Variants in ERBB4 observed in about 807,000 individuals in gnomAD.
ERBB4 encodes the protein receptor tyrosine-protein kinase erbB-4.
ERBB4 carries 42 observed loss-of-function variants against 158.0 expected under a neutral mutation model. The ratio of observed to expected loss-of-function variants is 0.27; its 90% CI spans 0.21 to 0.34. The LOEUF is 0.34. Among genes scored for constraint, ERBB4 ranks in the 10% least tolerant of loss-of-function variants. ERBB4 has a pLI of 1.00. For missense variants in ERBB4, 1,333 were observed against 1,624.1 expected, an observed-to-expected ratio of 0.82 and a Z score of 3.08; for synonymous variants, 583 against 558.7, an observed-to-expected ratio of 1.04 and a Z score of -0.61.
intron 3 of ERBB4, among the ~76,000 whole-genome samples, chr2:211,817,771 C>A (rs1040676356): frequency 6.6e-6 from 1 of 152,162 alleles, no homozygotes; most frequent in African/African-American, 2.4e-5. Context: ...GAGCCCTTAT[C>A]TTTCCCATTT....
intron 7 of ERBB4, among the ~76,000 whole-genome samples, chr2:211,715,867 T>C (rs919869346): frequency 2.0e-5 from 3 of 152,180 alleles, no homozygotes; most frequent in African/African-American, 4.8e-5. Context: ...TTTATAGCAG[T>C]GTAAGAACCA....
rs1461667959 is a variant in ERBB4, at chr2:211,619,216, A to G, written c.2262T>C (p.Asn754=). 1.2e-6 allele frequency: 2 copies of G among 1,612,500 alleles called. No individual in the cohort carries two copies. The highest frequency in any genetic ancestry group is 1.7e-5 in the Admixed American group (1 of 59,878). ...CATTTGCCTTGGGACCAGTTGTCTC[A>G]TTAAGAATCTTAATAGCCACAGGAA... The part of the protein sequence containing the change: ...VKIPVAIKIL[N]ETTGPKANVE... The change falls in exon 19 of 28, where the codon AAT becomes AAC. Residue 754 remains asparagine (N), a synonymous_variant. Coordinates refer to ENST00000342788, the MANE Select transcript of ERBB4 (RefSeq NM_005235.3).
intron 20 of ERBB4, among the ~76,000 whole-genome samples, chr2:211,507,402 A>C (rs1216395901): frequency 6.6e-6 from 1 of 152,120 alleles, no homozygotes; most frequent in Non-Finnish European, 1.5e-5. Context: ...GCAAGGATAC[A>C]AGAAAAAGAG....
chr2:212,140,451 G>A (rs1004866930), intron 1 of ERBB4, among the ~76,000 whole-genome samples: 1 of 145,876 alleles, frequency 6.9e-6, no homozygotes, highest in African/African-American at 2.5e-5. Flanking sequence ...ATATATATTT[G>A]TCCTGTCATT....
intron 3 of ERBB4, among the ~76,000 whole-genome samples, chr2:211,789,695 A>G (rs2076240131): frequency 6.6e-6 from 1 of 152,078 alleles, no homozygotes; most frequent in Non-Finnish European, 1.5e-5. Context: ...GGATATTGGG[A>G]AGGCAACCGA....
chr2:212,114,010 A>C (rs905223678), intron 2 of ERBB4, among the ~76,000 whole-genome samples: 11 of 152,182 alleles, frequency 7.2e-5, no homozygotes, highest in Non-Finnish European at 1.6e-4. Context: ...AAATTTGCTT[A>C]CTTATTTATT....
chr2:211,774,929 T>C (rs575926350), intron 4 of ERBB4, among the ~76,000 whole-genome samples: 3 of 152,182 alleles, frequency 2.0e-5, no homozygotes, highest in Non-Finnish European at 4.4e-5. Flanking sequence ...TCCAATGTAA[T>C]GTTAGGAGTT....
chr2:212,046,154 T>C (rs571855669), intron 2 of ERBB4, among the ~76,000 whole-genome samples: 15 of 152,266 alleles, frequency 9.9e-5, no homozygotes, highest in African/African-American at 3.6e-4. Context: ...AATAATGCTG[T>C]TGAACAGAAA....
At chr2:211,896,915 C>T (rs1050566728) in intron 3 of ERBB4, among the ~76,000 whole-genome samples, 21 of 151,822 alleles carry the variant, frequency 1.4e-4, no homozygotes, top group Non-Finnish European at 2.4e-4. Flanking sequence ...CAAGAGAATA[C>T]TTAGTCAAAT....
chr2:211,499,794 T>C (rs2065571093), intron 20 of ERBB4, among the ~76,000 whole-genome samples: 2 of 151,926 alleles, frequency 1.3e-5, no homozygotes, highest in Non-Finnish European at 2.9e-5. Flanking sequence ...TCTGAGACTA[T>C]ATAAACTGTT....
intron 4 of ERBB4, among the ~76,000 whole-genome samples, chr2:211,761,503 G>T (rs1283142701): frequency 2.0e-5 from 3 of 152,000 alleles, no homozygotes; most frequent in Admixed American, 6.6e-5. Context: ...TAGAGCCAGA[G>T]AATTGTCCCT....
chr2:211,934,459 AATAAG>A (rs2080258819), intron 3 of ERBB4, among the ~76,000 whole-genome samples: 1 of 152,052 alleles, frequency 6.6e-6, no homozygotes, highest in African/African-American at 2.4e-5. Flanking sequence ...ATCTTCCTTT[AATAAG>A]ATAAAATATG....
At chr2:212,448,179 T>C (rs573750079) in intron 1 of ERBB4, among the ~76,000 whole-genome samples, 2 of 152,292 alleles carry the variant, frequency 1.3e-5, no homozygotes, top group African/African-American at 4.8e-5. Context: ...TTTTAAGGTA[T>C]ACTTGCACAC....
intron 2 of ERBB4, among the ~76,000 whole-genome samples, chr2:212,113,494 A>G (rs2079479113): frequency 6.9e-6 from 1 of 144,056 alleles, no homozygotes; most frequent in Non-Finnish European, 1.5e-5. Flanking sequence ...GAATGGTGTG[A>G]ACCCGGGAGG....
intron 2 of ERBB4, among the ~76,000 whole-genome samples, chr2:212,050,821 T>C (rs1204866138): frequency 6.6e-6 from 1 of 152,196 alleles, no homozygotes; most frequent in Non-Finnish European, 1.5e-5. Flanking sequence ...ACTTGTTTTT[T>C]TGTTGCTTTA....
Position 212,003,185 on chromosome 2 carries a change from GA to G in ERBB4, c.235-55570del, listed in dbSNP as rs1166235521. On this transcript the variant is annotated intron_variant, in intron 2 of 27. Coordinates refer to ENST00000342788, the MANE Select transcript of ERBB4 (RefSeq NM_005235.3). ...AGAAAGAAAGAAAGAAAGAAAGAAA[GA>G]AAGAAAGAAAGAAAGAAAGACAGAA... Among the ~76,000 whole-genome samples the G allele has an allele frequency of 5.5e-3, 362 of 66,366 alleles. 41 individuals carry two copies. The highest frequency in any genetic ancestry group is 0.01 in the Non-Finnish European group (279 of 27,506). 43.5% of individuals were successfully genotyped at this position (66,366 alleles called of 152,430 possible).
intron 3 of ERBB4, among the ~76,000 whole-genome samples, chr2:211,930,860 T>C (rs1054536422): frequency 6.6e-6 from 1 of 152,164 alleles, no homozygotes; most frequent in Non-Finnish European, 1.5e-5. Context: ...ATGAAATATC[T>C]AGGCATTCAA....
intron 3 of ERBB4, among the ~76,000 whole-genome samples, chr2:211,829,059 T>G (rs144599712): frequency 6.6e-6 from 1 of 152,166 alleles, no homozygotes; most frequent in Non-Finnish European, 1.5e-5. Context: ...ATTGGAGCCA[T>G]GCATGGTTTC....
At chr2:212,410,930 C>T (rs906467143) in intron 1 of ERBB4, among the ~76,000 whole-genome samples, 5 of 152,032 alleles carry the variant, frequency 3.3e-5, no homozygotes, top group Admixed American at 2.0e-4. Context: ...ACTACAGCTA[C>T]ACTTTTTGAT....
Sources: allele counts gnomAD v4.1 joint callset (sites outside exome capture counted in the v4.1 genomes callset), GRCh38; gene constraint gnomAD v4.1.1; transcripts MANE v1.5; gene names NCBI Gene and HGNC (gene_info 2026-07-23, HGNC 2026-07-21).